Variants in ADGRB3 observed in about 807,000 individuals in gnomAD.
ADGRB3 encodes the protein brain-specific angiogenesis inhibitor 3.
ADGRB3 carries 37 observed loss-of-function variants against 193.4 expected under a neutral mutation model. The ratio of observed to expected loss-of-function variants is 0.19; its 90% CI spans 0.15 to 0.25. The LOEUF (loss-of-function observed/expected upper bound fraction) is 0.25, where lower values mean the gene tolerates loss of function less well. Ranked by LOEUF, ADGRB3 falls within the 10% of genes least tolerant of loss-of-function variation. The pLI, the probability that ADGRB3 is intolerant of heterozygous loss-of-function variation, is 1.00. For missense variants in ADGRB3, 1,637 were observed against 1,852.9 expected (o/e 0.88, Z 2.14); for synonymous variants, 690 against 644.2 (o/e 1.07, Z -1.08).
chr6:69,040,385 C>CTT (rs1562133322), intron 13 of ADGRB3, among the ~76,000 whole-genome samples: 4,139 of 121,270 alleles, frequency 0.034, 121 homozygotes, highest in Non-Finnish European at 0.046. Context: ...TTCCTTCTCT[C>CTT]TCTTTCTTTC....
intron 10 of ADGRB3, among the ~76,000 whole-genome samples, chr6:68,986,365 C>T (rs549213734): frequency 6.6e-6 from 1 of 152,286 alleles, no homozygotes; most frequent in Non-Finnish European, 1.5e-5. Context: ...CTACATGATT[C>T]ATGCAGTGAA....
chr6:68,671,615 C>T (rs1768961568), intron 3 of ADGRB3, among the ~76,000 whole-genome samples: 1 of 152,010 alleles, frequency 6.6e-6, no homozygotes, highest in Non-Finnish European at 1.5e-5. Flanking sequence ...CCCACTTAGT[C>T]ATGATGAATG....
rs542373360 is a variant in ADGRB3 at position 68,836,817 on chromosome 6, C to G, written c.758-93742C>G. On this transcript the variant is annotated intron_variant, in intron 3 of 31. Coordinates refer to ENST00000370598, the MANE Select transcript of ADGRB3 (RefSeq NM_001704.3). ...CCAGCGTGAGCAACATAGTGAGACT[C>G]CATCTCTATTTTATTTTTTTTAAAG... Among the ~76,000 whole-genome samples the G allele has an allele frequency of 2.0e-5, 3 of 152,114 alleles. No individual in the cohort carries two copies. In the East Asian group the frequency reaches 5.8e-4, roughly 29 times the overall value.
chr6:69,263,381 A>G (rs1032242998), intron 20 of ADGRB3, among the ~76,000 whole-genome samples: 8 of 152,046 alleles, frequency 5.3e-5, no homozygotes, highest in Non-Finnish European at 1.5e-5. Context: ...TGGTAAGAAG[A>G]GATATTTTCG....
chr6:68,982,577 C>G (rs571068566), intron 10 of ADGRB3, among the ~76,000 whole-genome samples: 1 of 152,150 alleles, frequency 6.6e-6, no homozygotes, highest in Non-Finnish European at 1.5e-5. Context: ...AATCTATCAA[C>G]TGTCTTGAGG....
intron 17 of ADGRB3, among the ~76,000 whole-genome samples, chr6:69,129,246 C>A (rs1293831670): frequency 6.6e-6 from 1 of 152,022 alleles, no homozygotes; most frequent in Non-Finnish European, 1.5e-5. Context: ...CAGCTACTCA[C>A]TAGTAGAGAG....
chr6:69,206,522 G>T (rs1248681022), intron 17 of ADGRB3, among the ~76,000 whole-genome samples: 2 of 152,006 alleles, frequency 1.3e-5, no homozygotes, highest in African/African-American at 4.8e-5. Flanking sequence ...ATAACCTTCA[G>T]ATAAAGAGAA....
intron 31 of ADGRB3, among the ~76,000 whole-genome samples, chr6:69,385,096 C>A (rs1770038773): frequency 6.6e-6 from 1 of 151,726 alleles, no homozygotes; most frequent in Admixed American, 6.6e-5. Flanking sequence ...TGCTTCCAGG[C>A]AGGAAAACAT....
chr6:69,214,113 A>C (rs1277537449), intron 17 of ADGRB3, among the ~76,000 whole-genome samples: 2 of 152,202 alleles, frequency 1.3e-5, no homozygotes, highest in African/African-American at 4.8e-5. Flanking sequence ...ATTTGACCTG[A>C]ACTGGAGAAG....
chr6:69,178,939 A>G (rs555058837), intron 17 of ADGRB3, among the ~76,000 whole-genome samples: 7 of 152,178 alleles, frequency 4.6e-5, no homozygotes, highest in African/African-American at 1.4e-4. Context: ...TGTCTGTTTT[A>G]TATAGTATCT....
intron 3 of ADGRB3, among the ~76,000 whole-genome samples, chr6:68,893,481 C>G (rs892502083): frequency 1.3e-5 from 2 of 149,882 alleles, no homozygotes; most frequent in Non-Finnish European, 3.0e-5. Context: ...AGGGTACATA[C>G]CTACTGATAA....
intron 13 of ADGRB3, among the ~76,000 whole-genome samples, chr6:69,039,031 T>C (rs1456017004): frequency 6.6e-6 from 1 of 152,198 alleles, no homozygotes; most frequent in Non-Finnish European, 1.5e-5. Context: ...TCCCTTTGAT[T>C]GGCATGCCCA....
rs140000140 is a variant in ADGRB3, at chr6:69,070,751, G to T, written c.2437-5244G>T. Reference sequence around the variant, plus strand: ...ATGCATCCCAGTTTATTCTGAAGTAGGTCTAGAGAAAACACTGTGAAAACA... The same window carrying T: ...ATGCATCCCAGTTTATTCTGAAGTATGTCTAGAGAAAACACTGTGAAAACA... On this transcript the variant is annotated intron_variant, in intron 16 of 31. Transcript: ENST00000370598. Among the ~76,000 whole-genome samples, 1,452 of 152,200 alleles carry T rather than the reference G, an allele frequency of 9.5e-3. 25 individuals are homozygous for T. The highest frequency in any genetic ancestry group is 0.033 in the African/African-American group (1,386 of 41,536).
chr6:69,030,756 T>A lies in ADGRB3; in HGVS notation c.2107+12257T>A, dbSNP rs867607066. ...CGTCCTGCACATGTATTGCAGAACT[T>A]AAAGTATAATAAAGCAAAACAAAAC... On this transcript the variant is annotated intron_variant, in intron 13 of 31. Coordinates refer to ENST00000370598, the MANE Select transcript of ADGRB3 (RefSeq NM_001704.3). Among the ~76,000 whole-genome samples, 5 of 152,314 alleles carry A rather than the reference T, an allele frequency of 3.3e-5. 1 individual carries two copies. The highest frequency in any genetic ancestry group is 6.8e-3 in the Middle Eastern group (2 of 294).
intron 30 of ADGRB3, among the ~76,000 whole-genome samples, chr6:69,379,470 TACTC>T (rs771968797): frequency 1.4e-4 from 22 of 152,008 alleles, no homozygotes; most frequent in Non-Finnish European, 2.2e-4. Flanking sequence ...TACAAATAAA[TACTC>T]ACACAAGTAA....
intron 15 of ADGRB3, among the ~76,000 whole-genome samples, chr6:69,051,443 A>C (rs966546688): frequency 4.6e-5 from 7 of 152,214 alleles, no homozygotes; most frequent in Non-Finnish European, 1.0e-4. Context: ...TTACCTGTAC[A>C]TTCTTTGTAT....
intron 3 of ADGRB3, among the ~76,000 whole-genome samples, chr6:68,897,691 CAGAA>C (rs1382592852): frequency 3.7e-4 from 22 of 59,414 alleles, no homozygotes; most frequent in African/African-American, 6.3e-4. Flanking sequence ...GAAAGAGAAA[CAGAA>C]AGAAGAAAGA....
intron 20 of ADGRB3, among the ~76,000 whole-genome samples, chr6:69,310,196 C>CTT (rs1561983789): frequency 6.6e-6 from 1 of 151,760 alleles, no homozygotes; most frequent in East Asian, 2.0e-4. Context: ...CTTGTTGGCA[C>CTT]TTTTTTCCTC....
At chr6:69,209,014 G>A (rs1424630530) in intron 17 of ADGRB3, among the ~76,000 whole-genome samples, 2 of 152,150 alleles carry the variant, frequency 1.3e-5, no homozygotes. Context: ...GCAGGGCCTT[G>A]CTCCAAAATC....
Sources: allele counts gnomAD v4.1 joint callset (sites outside exome capture counted in the v4.1 genomes callset), GRCh38; gene constraint gnomAD v4.1.1; transcripts MANE v1.5; gene names NCBI Gene and HGNC (gene_info 2026-07-23, HGNC 2026-07-21).